QSER1: variants seen among roughly 807,000 people sequenced by gnomAD.
QSER1 encodes glutamine and serine-rich protein 1.
In QSER1, 49 loss-of-function variants were observed where a neutral mutation model predicts 158.5. That is an observed-to-expected ratio of 0.31 (90% CI 0.25 to 0.39). The LOEUF is 0.39. Among genes scored for constraint, QSER1 ranks in the 10% least tolerant of loss-of-function variants. The pLI, the probability that QSER1 is intolerant of heterozygous loss-of-function variation, is 1.00. For missense variants in QSER1, 1,754 were observed against 2,010.3 expected (o/e 0.87, Z 2.44); for synonymous variants, 650 against 715.5 (o/e 0.91, Z 1.46).
intron 1 of QSER1, among the ~76,000 whole-genome samples, chr11:32,918,937 A>G (rs1242335428): frequency 6.6e-6 from 1 of 152,166 alleles, no homozygotes; most frequent in Non-Finnish European, 1.5e-5. Flanking sequence ...AATCAGGAAC[A>G]TAGTATAGAG....
At chr11:32,919,798 C>T (rs914019944) in intron 1 of QSER1, among the ~76,000 whole-genome samples, 4 of 152,108 alleles carry the variant, frequency 2.6e-5, no homozygotes, top group African/African-American at 7.2e-5. Context: ...TTTATTCAAT[C>T]GTTTATCAGT....
In QSER1 at chr11:32,949,539, G is replaced by A. The variant is rs142201504; in HGVS notation, c.4178-4318G>A. Among the ~76,000 whole-genome samples, 771 of 152,292 alleles carry A rather than the reference G, an allele frequency of 5.1e-3. 5 individuals carry two copies. Among genetic ancestry groups the A allele is most frequent in the Middle Eastern group, 0.01 (3 of 294 alleles). On this transcript the variant is annotated intron_variant, in intron 4 of 12. Coordinates refer to ENST00000650167, the MANE Select transcript of QSER1 (RefSeq NM_001076786.3). ...TTTTACATTTAATACTTGTCAAAATGTGAAAAGATAGTATAATTTGGATCA... is the reference window on the plus strand; with the variant it reads ...TTTTACATTTAATACTTGTCAAAATATGAAAAGATAGTATAATTTGGATCA...
intron 1 of QSER1, among the ~76,000 whole-genome samples, chr11:32,920,064 C>T (rs1015234471): frequency 1.3e-5 from 2 of 152,168 alleles, no homozygotes; most frequent in Non-Finnish European, 2.9e-5. Flanking sequence ...AGCCATTTCT[C>T]CAAGGAGCCT....
chr11:32,965,849 G>A lies in QSER1; in HGVS notation c.4970-451G>A, dbSNP rs201170445. ...CCAGCTACTCGGGAGGTTGAGGCAG[G>A]AGAATTGCTTGAACCTAGGAGGCGG... On this transcript the variant is annotated intron_variant, in intron 8 of 12. Transcript: ENST00000650167. Among the ~76,000 whole-genome samples the A allele has an allele frequency of 1.2e-4, 18 of 151,990 alleles. No homozygotes were observed. In the East Asian group the frequency reaches 2.5e-3, roughly 21 times the overall value.
At chr11:32,958,695 T>G (rs1852568960) in intron 8 of QSER1, among the ~76,000 whole-genome samples, 2 of 152,140 alleles carry the variant, frequency 1.3e-5, no homozygotes, top group Admixed American at 1.3e-4. Context: ...CATAAACATT[T>G]GAGTCTAAGT....
At chr11:32,929,774 CTGTGGGGA>C (rs1258209054) in intron 3 of QSER1, among the ~76,000 whole-genome samples, 3 of 152,260 alleles carry the variant, frequency 2.0e-5, no homozygotes, top group Middle Eastern at 6.8e-3. Flanking sequence ...TGTGGGCATA[CTGTGGGGA>C]ATTTGCTAGC....
chr11:32,939,837 A>G (rs1852203617), intron 4 of QSER1, among the ~76,000 whole-genome samples: 1 of 152,124 alleles, frequency 6.6e-6, no homozygotes, highest in African/African-American at 2.4e-5. Flanking sequence ...GTGTGGGTCC[A>G]TACATAGAAT....
Position 32,960,858 on chromosome 11 carries a change from A to G in QSER1, c.4969+2772A>G, listed in dbSNP as rs1175742905. 2.0e-5 allele frequency among the ~76,000 whole-genome samples: 3 copies of G among 152,162 alleles called. No homozygotes were observed. In the East Asian group the frequency reaches 5.8e-4, roughly 29 times the overall value. ...CTAAAGAATGTATTTAGTTCTCTTA[A>G]GAAGTCAAATATTGATAATAAACAT... On this transcript the variant is annotated intron_variant, in intron 8 of 12. Transcript: ENST00000650167.
At chr11:32,910,438 G>T (rs1469266493) in intron 1 of QSER1, among the ~76,000 whole-genome samples, 1 of 152,026 alleles carries the variant, frequency 6.6e-6, no homozygotes, top group East Asian at 1.9e-4. Flanking sequence ...AATATTTGTT[G>T]AATAAATTAA....
At chr11:32,936,043 A>AT (rs535462058) in intron 4 of QSER1, among the ~76,000 whole-genome samples, 10 of 148,970 alleles carry the variant, frequency 6.7e-5, no homozygotes, top group East Asian at 2.0e-4. Context: ...TTTAGAGGAA[A>AT]TTTTTTTTTT....
intron 1 of QSER1, among the ~76,000 whole-genome samples, chr11:32,905,714 A>C (rs1051627965): frequency 1.3e-5 from 2 of 152,176 alleles, no homozygotes; most frequent in Non-Finnish European, 2.9e-5. Context: ...TGTTTTAATA[A>C]GGCATAGGAG....
chr11:32,895,256 C>G (rs1336285715), intron 1 of QSER1, among the ~76,000 whole-genome samples: 3 of 152,096 alleles, frequency 2.0e-5, no homozygotes, highest in African/African-American at 4.8e-5. Context: ...CCCTCATGCC[C>G]TCTCCCCCTG....
At chr11:32,975,428 A>G in intron 12 of QSER1, 85 bp downstream of exon 12, 7 of 1,571,694 alleles carry the variant, frequency 4.5e-6, no homozygotes, top group Non-Finnish European at 6.0e-6. Context: ...TGTTTTAAAG[A>G]GAGTTGTGAA....
At chr11:32,955,943 A>G (rs748282398) in intron 6 of QSER1, 45 bp from the exon 7 acceptor site, 13 of 1,552,590 alleles carry the variant, frequency 8.4e-6, no homozygotes, top group South Asian at 3.5e-5. Context: ...TAGCATTTGT[A>G]TCTAGATTGT....
At chr11:32,913,382 A>T (rs1426935879) in intron 1 of QSER1, among the ~76,000 whole-genome samples, 1 of 151,032 alleles carries the variant, frequency 6.6e-6, no homozygotes, top group Non-Finnish European at 1.5e-5. Context: ...TTTAGTAGAG[A>T]CGAGGTTTCA....
At chr11:32,905,785 C>T (rs1402546527) in intron 1 of QSER1, among the ~76,000 whole-genome samples, 3 of 152,104 alleles carry the variant, frequency 2.0e-5, no homozygotes. Flanking sequence ...TAATCTTGAT[C>T]TACTGGGCTG....
chr11:32,961,894 TA>T (rs1852631299), intron 8 of QSER1, among the ~76,000 whole-genome samples: 1 of 152,218 alleles, frequency 6.6e-6, no homozygotes, highest in Non-Finnish European at 1.5e-5. Flanking sequence ...TTATTGATGG[TA>T]TTTGGGTTAT....
At chr11:32,909,418 G>A (rs1215333213) in intron 1 of QSER1, among the ~76,000 whole-genome samples, 2 of 151,664 alleles carry the variant, frequency 1.3e-5, no homozygotes, top group Admixed American at 6.6e-5. Context: ...GCAGTTGGTA[G>A]CCAAGTTCAT....
chr11:32,919,048 A>G (rs2133522561), intron 1 of QSER1, among the ~76,000 whole-genome samples: 1 of 152,326 alleles, frequency 6.6e-6, no homozygotes, highest in East Asian at 1.9e-4. Context: ...CAGTATTATT[A>G]ACTAAAGCCT....
Sources: allele counts gnomAD v4.1 joint callset (sites outside exome capture counted in the v4.1 genomes callset), GRCh38; gene constraint gnomAD v4.1.1; transcripts MANE v1.5; gene names NCBI Gene and HGNC (gene_info 2026-07-23, HGNC 2026-07-21).